The following UPK3A variants were observed in gnomAD, a reference collection of about 807,000 sequenced individuals.
The protein encoded by UPK3A is uroplakin 3A.
In UPK3A, 32 loss-of-function variants were observed where a neutral mutation model predicts 27.6. The ratio of observed to expected loss-of-function variants is 1.16; its 90% CI spans 0.87 to 1.55. The LOEUF is 1.55. Among genes scored for constraint, UPK3A ranks in the 40% most tolerant of loss-of-function variants. UPK3A has a pLI of 0.00. For synonymous variants in UPK3A, 171 were observed against 163.9 expected, an observed-to-expected ratio of 1.04 and a Z score of -0.33; for missense variants, 370 against 367.9, an observed-to-expected ratio of 1.01 and a Z score of -0.05.
At chr22:45,291,956 GGT>G (rs1471885237) in intron 4 of UPK3A, among the ~76,000 whole-genome samples, 3 of 151,786 alleles carry the variant, frequency 2.0e-5, no homozygotes, top group African/African-American at 7.3e-5. Flanking sequence ...TGGTATGTGT[GGT>G]GTGTGGTGTG....
chr22:45,287,112 T>C, intron 2 of UPK3A, 60 bp from the exon 3 acceptor site: 2 of 1,610,182 alleles, frequency 1.2e-6, no homozygotes, highest in South Asian at 1.1e-5. Context: ...GATGAATAAC[T>C]GAGTGAGTGT....
At position 45,295,616 on chromosome 22, in the gene UPK3A, C is replaced by T. The variant is rs776375804; in HGVS notation, c.761C>T (p.Ala254Val). 3.1e-6 allele frequency: 5 copies of T among 1,614,072 alleles called. No individual in the cohort carries two copies. The highest frequency in any genetic ancestry group is 1.3e-5 in the African/African-American group (1 of 75,012). Reference protein sequence around the residue: ...TTHDSQITQEAVPKSLGASES... With the variant: ...TTHDSQITQEVVPKSLGASES... ...CACGACTCCCAAATCACTCAGGAGG[C>T]TGTTCCCAAGTCGCTGGGGGCCTCG... The change falls in exon 6 of 6, where the codon GCT becomes GTT. Residue 254 changes from alanine to valine, a missense_variant. Ala to Val is a moderately conservative substitution (Grantham distance 64). Coordinates refer to ENST00000216211, the MANE Select transcript of UPK3A (RefSeq NM_006953.4).
rs757951945 is a variant in UPK3A at position 45,287,192 on chromosome 22, G to A, written c.229G>A (p.Val77Met). ...VDSAISRNAS[V>M]QDSTNTPLGS... Reference sequence around the variant, plus strand: ...TGCAGCCATTTCCAGGAATGCCTCAGTGCAAGACAGCACCAACACCCCACT... The same window carrying A: ...TGCAGCCATTTCCAGGAATGCCTCAATGCAAGACAGCACCAACACCCCACT... The change falls in exon 3 of 6, where the codon GTG (valine) becomes ATG (methionine). Residue 77 changes from valine (V) to methionine (M), a missense_variant. Val to Met is a conservative substitution (Grantham distance 21). Transcript: ENST00000216211. The A allele has an allele frequency of 6.2e-7, 1 of 1,614,194 alleles. No individual in the cohort carries two copies. The highest frequency in any genetic ancestry group is 8.5e-7 in the Non-Finnish European group (1 of 1,180,044).
chr22:45,291,776 G>T (rs1209794432), intron 4 of UPK3A, among the ~76,000 whole-genome samples: 1 of 150,260 alleles, frequency 6.7e-6, no homozygotes, highest in African/African-American at 2.5e-5. Flanking sequence ...GTGGTGTGTG[G>T]TGTGTGAGAG....
At chr22:45,287,868 T>C (rs1489647172) in intron 3 of UPK3A, among the ~76,000 whole-genome samples, 3 of 152,118 alleles carry the variant, frequency 2.0e-5, no homozygotes, top group African/African-American at 7.2e-5. Context: ...TTCATCATGT[T>C]GGTCAAGCTG....
chr22:45,291,006 CA>C (rs2084156755), intron 4 of UPK3A, among the ~76,000 whole-genome samples: 1 of 152,162 alleles, frequency 6.6e-6, no homozygotes, highest in African/African-American at 2.4e-5. Context: ...GTTGTACAAT[CA>C]TTTTATTATA....
rs116255517 is a variant in UPK3A at position 45,287,410 on chromosome 22, G to C, written c.447G>C (p.Gln149His). The C allele has an allele frequency of 2.3e-4, 371 of 1,610,890 alleles. No individual in the cohort carries two copies. The African/African-American group carries it at 4.6e-3, about 20-fold the overall frequency. The change falls in exon 3 of 6, where the codon CAG becomes CAC. Residue 149 changes from glutamine (Q) to histidine (H), a missense_variant. Transcript: ENST00000216211. The stretch of plus-strand genomic sequence containing the variant: ...CCTGCCTGTGGGATCCCAACTTCCA[G>C]GGCCTCTGTAACGCACCCCTGTCGG... ...NGTCLWDPNF[Q>H]GLCNAPLSAA...
intron 3 of UPK3A, among the ~76,000 whole-genome samples, chr22:45,288,830 T>C (rs2084137967): frequency 6.6e-6 from 1 of 152,152 alleles, no homozygotes; most frequent in Admixed American, 6.5e-5. Context: ...GCTTCATGGA[T>C]GCAGGAGGTG....
At position 45,285,020 on chromosome 22, in the gene UPK3A, C is replaced by T; in HGVS notation, c.7C>T (p.Pro3Ser). The T allele has an allele frequency of 2.0e-6, 3 of 1,532,538 alleles. No individual in the cohort carries two copies. The highest frequency in any genetic ancestry group is 1.2e-5 in the South Asian group (1 of 83,846). 94.9% of individuals were successfully genotyped at this position (1,532,538 alleles called of 1,614,324 possible). A position where few individuals can be genotyped will look rare whatever the true frequency, so the allele number is the denominator to read the frequency against. ...TGGCGGCTCCTCCCGGGCGATGCCTCCGCTCTGGGCCCTGCTGGCCCTCGG... is the reference window on the plus strand; with the variant it reads ...TGGCGGCTCCTCCCGGGCGATGCCTTCGCTCTGGGCCCTGCTGGCCCTCGG... MP[P>S]LWALLALGCL... Residue 3 changes from proline (P) to serine (S), a missense_variant, in exon 1 of 6, where the codon CCG becomes TCG. By Grantham distance (74) the Pro-to-Ser change is moderately conservative. Transcript: ENST00000216211.
chr22:45,288,355 T>C (rs2084134397), intron 3 of UPK3A, among the ~76,000 whole-genome samples: 1 of 152,136 alleles, frequency 6.6e-6, no homozygotes, highest in Admixed American at 6.6e-5. Context: ...CCACCACGCC[T>C]GGCTACTTTT....
At chr22:45,286,981 C>T (rs2084122488) in intron 2 of UPK3A, among the ~76,000 whole-genome samples, 191 bp from the exon 3 acceptor site, 1 of 152,220 alleles carries the variant, frequency 6.6e-6, no homozygotes, top group Non-Finnish European at 1.5e-5. Context: ...GCGCCCAAAG[C>T]AGGGAGGTGA....
chr22:45,285,177 G>C, intron 1 of UPK3A, 112 bp downstream of exon 1: 1 of 1,027,400 alleles, frequency 9.7e-7, no homozygotes, highest in Non-Finnish European at 1.4e-6. Context: ...AGATATTACT[G>C]TTATGAATAA....
chr22:45,293,099 G>T (rs57040686), intron 4 of UPK3A, 82 bp from the exon 5 acceptor site: 16 of 1,588,648 alleles, frequency 1.0e-5, no homozygotes, highest in African/African-American at 1.3e-5. Flanking sequence ...CAGCCAGGGC[G>T]GGGGAGACAC....
intron 4 of UPK3A, among the ~76,000 whole-genome samples, chr22:45,290,528 G>A (rs576724021): frequency 3.2e-4 from 48 of 152,138 alleles, no homozygotes; most frequent in African/African-American, 1.2e-3. Flanking sequence ...TGTAGTTTAC[G>A]GTGTTGCGTA....
chr22:45,291,660 G>C (rs2084162398), intron 4 of UPK3A, among the ~76,000 whole-genome samples: 1 of 150,520 alleles, frequency 6.6e-6, no homozygotes, highest in South Asian at 2.1e-4. Context: ...TGAGAGTGTG[G>C]CAGTGTGTGT....
At chr22:45,285,567 G>T (rs1485809008) in intron 1 of UPK3A, among the ~76,000 whole-genome samples, 1 of 152,078 alleles carries the variant, frequency 6.6e-6, no homozygotes, top group Non-Finnish European at 1.5e-5. Flanking sequence ...TCGTCAGGGG[G>T]CGCTGGGGGA....
rs559648608 is a variant in UPK3A at position 45,286,061 on chromosome 22, C to G, written c.173C>G (p.Thr58Ser). The change falls in exon 2 of 6, where the codon ACC becomes AGC. Residue 58 changes from threonine to serine, a missense_variant. Coordinates refer to ENST00000216211, the MANE Select transcript of UPK3A (RefSeq NM_006953.4). ...MFDSKEALTG[T>S]HEVYLYVLVD... ...GACAGCAAAGAGGCCCTCACTGGCA[C>G]CCACGAGGTCTACCTGTATGTCCTG... 1.1e-5 allele frequency: 18 copies of G among 1,614,076 alleles called. 1 individual carries two copies. The highest frequency in any genetic ancestry group is 1.5e-5 in the Non-Finnish European group (18 of 1,180,042).
intron 3 of UPK3A, 45 bp downstream of exon 3, chr22:45,287,496 A>G: frequency 6.4e-7 from 1 of 1,555,410 alleles, no homozygotes. Flanking sequence ...GCAGTTCCCC[A>G]GTCCTGATGA....
chr22:45,293,960 A>G (rs1324535537), intron 5 of UPK3A, among the ~76,000 whole-genome samples: 2 of 152,052 alleles, frequency 1.3e-5, no homozygotes, highest in African/African-American at 4.8e-5. Context: ...GGGGTGTACC[A>G]GGTTTAGCAG....
Sources: gnomAD v4.1 joint callset for allele counts (sites outside exome capture counted in the v4.1 genomes callset) on GRCh38, gnomAD v4.1.1 for gene constraint, MANE v1.5 for transcripts, NCBI Gene and HGNC (gene_info 2026-07-23, HGNC 2026-07-21) for gene names.